The following CASQ2 variants were observed in gnomAD, a reference collection of about 807,000 sequenced individuals.
The protein encoded by CASQ2 is calsequestrin-2.
In CASQ2, 49 loss-of-function variants were observed where a neutral mutation model predicts 46.5. That is an observed-to-expected ratio of 1.05 (90% CI 0.84 to 1.34). The LOEUF is 1.34. Among genes scored for constraint, CASQ2 ranks in the 40% most tolerant of loss-of-function variants. The pLI is 0.00. For missense variants in CASQ2, 486 were observed against 481.3 expected, an observed-to-expected ratio of 1.01 and a Z score of -0.09; for synonymous variants, 174 against 168.5, an observed-to-expected ratio of 1.03 and a Z score of -0.25.
At chr1:115,766,740 G>A (rs935491733) in intron 1 of CASQ2, among the ~76,000 whole-genome samples, 2 of 152,030 alleles carry the variant, frequency 1.3e-5, no homozygotes, top group Admixed American at 6.6e-5. Context: ...CTGCTGGGCC[G>A]GCACCCACTG....
intron 4 of CASQ2, among the ~76,000 whole-genome samples, chr1:115,737,473 A>T (rs975284107): frequency 1.3e-5 from 2 of 152,166 alleles, no homozygotes; most frequent in Non-Finnish European, 2.9e-5. Context: ...ACCCGCTCTA[A>T]TGCTGTTCCT....
At chr1:115,763,431 G>A (rs773139680) in intron 1 of CASQ2, among the ~76,000 whole-genome samples, 2 of 152,082 alleles carry the variant, frequency 1.3e-5, no homozygotes, top group Non-Finnish European at 2.9e-5. Context: ...GAGAGGAGGA[G>A]TGAATAAGCA....
intron 5 of CASQ2, among the ~76,000 whole-genome samples, chr1:115,728,273 T>A (rs1179008895): frequency 6.6e-6 from 1 of 152,202 alleles, no homozygotes; most frequent in Non-Finnish European, 1.5e-5. Flanking sequence ...TTGCTATGAA[T>A]TCCAGGTCAC....
At chr1:115,750,272 A>G (rs182561411) in intron 1 of CASQ2, among the ~76,000 whole-genome samples, 1 of 152,280 alleles carries the variant, frequency 6.6e-6, no homozygotes. Context: ...ATAGGATTGC[A>G]ATTTTCTCCT....
At position 115,700,997 on chromosome 1, in the gene CASQ2, TGACAGTCAAGACAGTCAAC is replaced by T; in HGVS notation, c.*225_*243del. On this transcript the variant is annotated 3_prime_UTR_variant, in exon 11 of 11. Transcript: ENST00000261448. ...CCAGCAAAGAACAAGATCTGTTCCG[TGACAGTCAAGACAGTCAAC>T]ATGGGAATAATTTTTCTCCTGTCCC... 1.6e-6 allele frequency: 1 copy of T among 636,598 alleles called. No homozygotes were observed. Among genetic ancestry groups the T allele is most frequent in the South Asian group, 1.9e-5 (1 of 53,586 alleles). The allele number at this position is 636,598 out of a possible 1,614,324, so 39.4% of individuals were successfully genotyped here.
At chr1:115,704,837 C>T (rs1654309142) in intron 9 of CASQ2, among the ~76,000 whole-genome samples, 1 of 152,172 alleles carries the variant, frequency 6.6e-6, no homozygotes, top group Non-Finnish European at 1.5e-5. Context: ...ATTCAGGTGG[C>T]CTCAGAACGA....
At chr1:115,732,064 G>A (rs558035106) in intron 5 of CASQ2, 63 of 152,192 alleles carry the variant, frequency 4.1e-4, no homozygotes, top group African/African-American at 1.5e-3. Context: ...ACAAGTGTGT[G>A]CCACCACACC....
intron 10 of CASQ2, 40 bp from the exon 11 acceptor site, chr1:115,701,466 G>A: frequency 7.4e-7 from 1 of 1,353,004 alleles, no homozygotes; most frequent in Non-Finnish European, 1.1e-6. Context: ...GTAAATGCAT[G>A]AGGGCTGAAC....
chr1:115,715,420 C>T (rs1276791184), intron 8 of CASQ2, among the ~76,000 whole-genome samples: 1 of 152,196 alleles, frequency 6.6e-6, no homozygotes, highest in East Asian at 1.9e-4. Flanking sequence ...ATTGGGACAC[C>T]TTGAAAACAT....
At chr1:115,737,523 G>T (rs35951215) in intron 4 of CASQ2, among the ~76,000 whole-genome samples, 149 of 152,016 alleles carry the variant, frequency 9.8e-4, no homozygotes, top group African/African-American at 3.4e-3. Context: ...CCTACCTCAC[G>T]GGGGCCATGC....
At chr1:115,706,212 G>A (rs1051888038) in intron 8 of CASQ2, among the ~76,000 whole-genome samples, 29 of 152,166 alleles carry the variant, frequency 1.9e-4, no homozygotes, top group African/African-American at 6.0e-4. Flanking sequence ...GTGTGCACGC[G>A]TGCATGTGCA....
chr1:115,758,667 T>C (rs1315509893), intron 1 of CASQ2, among the ~76,000 whole-genome samples: 1 of 152,212 alleles, frequency 6.6e-6, no homozygotes, highest in Admixed American at 6.5e-5. Flanking sequence ...ACTCTATTAG[T>C]TCCTGCTAGA....
At chr1:115,754,833 T>C (rs1340219926) in intron 1 of CASQ2, among the ~76,000 whole-genome samples, 1 of 152,212 alleles carries the variant, frequency 6.6e-6, no homozygotes, top group Non-Finnish European at 1.5e-5. Context: ...AAGTACGTAG[T>C]GAAAGTTCCC....
rs796782557 is a variant in CASQ2, at chr1:115,761,439, A to AAGAAG, written c.234+6868_234+6869insCTTCT. Among the ~76,000 whole-genome samples the AAGAAG allele has an allele frequency of 3.2e-3, 18 of 5,540 alleles. 3 individuals are homozygous for AAGAAG. Among genetic ancestry groups the AAGAAG allele is most frequent in the South Asian group, 9.8e-3 (1 of 102 alleles). The allele number at this position is 5,540 out of a possible 152,430, so 3.6% of individuals were successfully genotyped here. A position where few individuals can be genotyped will look rare whatever the true frequency, so the allele number is the denominator to read the frequency against. ...GAAGAAGAAGAAGAAGAAGAAGAAGAAAGAAGAAGAAGAAGAAGAAGAAGG... is the reference window on the plus strand; with the variant it reads ...GAAGAAGAAGAAGAAGAAGAAGAAGAAGAAGAAGAAGAAGAAGAAGAAGAAGAAGG... On this transcript the variant is annotated intron_variant, in intron 1 of 10. Coordinates refer to ENST00000261448, the MANE Select transcript of CASQ2 (RefSeq NM_001232.4).
chr1:115,727,015 C>T lies in CASQ2; in HGVS notation c.714G>A (p.Val238=), dbSNP rs1484165137. Residue 238 remains valine, a synonymous_variant, in exon 6 of 11, where the codon GTG becomes GTA. Coordinates refer to ENST00000261448, the MANE Select transcript of CASQ2 (RefSeq NM_001232.4). ...PNKPYTEEEL[V]EFVKEHQRPT... is the part of the protein sequence containing the mutation. Reference sequence around the variant, plus strand: ...ACCTTTGGTGTTCCTTCACAAACTCCACCAGCTCCTCTTCTGTGTAAGGTT... The same window carrying T: ...ACCTTTGGTGTTCCTTCACAAACTCTACCAGCTCCTCTTCTGTGTAAGGTT... 1 of 1,613,410 alleles carries T rather than the reference C, an allele frequency of 6.2e-7. No individual in the cohort carries two copies. The highest frequency in any genetic ancestry group is 2.2e-5 in the East Asian group (1 of 44,844).
chr1:115,731,232 G>A (rs904488236), intron 5 of CASQ2, among the ~76,000 whole-genome samples: 5 of 152,154 alleles, frequency 3.3e-5, no homozygotes, highest in Non-Finnish European at 7.3e-5. Context: ...ATGGACCACA[G>A]GCATGAAGCT....
At chr1:115,740,040 C>T (rs1648125902) in intron 3 of CASQ2, among the ~76,000 whole-genome samples, 1 of 152,094 alleles carries the variant, frequency 6.6e-6, no homozygotes. Context: ...TGGTTTTTGA[C>T]ACTGTAGAGA....
At chr1:115,747,424 A>G (rs1648425282) in intron 1 of CASQ2, among the ~76,000 whole-genome samples, 1 of 152,072 alleles carries the variant, frequency 6.6e-6, no homozygotes, top group Admixed American at 6.6e-5. Flanking sequence ...TTTTCACTTT[A>G]TTCTTTATTT....
chr1:115,749,235 A>G, intron 1 of CASQ2, among the ~76,000 whole-genome samples: 1 of 152,150 alleles, frequency 6.6e-6, no homozygotes, highest in East Asian at 1.9e-4. Flanking sequence ...AGAGAACTTA[A>G]CTCTGATCTC....
Sources: gnomAD v4.1 joint callset for allele counts (sites outside exome capture counted in the v4.1 genomes callset) on GRCh38, gnomAD v4.1.1 for gene constraint, MANE v1.5 for transcripts, NCBI Gene and HGNC (gene_info 2026-07-23, HGNC 2026-07-21) for gene names.